EIF3D: variants seen among roughly 807,000 people sequenced by gnomAD.
The protein encoded by EIF3D is eukaryotic translation initiation factor 3 subunit D, also known as eIF3 p66.
A neutral mutation model predicts 75.4 loss-of-function variants in EIF3D; 10 were observed. The observed-to-expected ratio is 0.13, with a 90% CI of 0.08 to 0.22. The LOEUF is 0.22. Ranked by LOEUF, EIF3D falls within the 10% of genes least tolerant of loss-of-function variation. The pLI is 1.00. For missense variants in EIF3D, 394 were observed against 708.0 expected, an observed-to-expected ratio of 0.56 and a Z score of 5.03; for synonymous variants, 246 against 248.3, an observed-to-expected ratio of 0.99 and a Z score of 0.09.
rs1934338372 is a variant in EIF3D, at chr22:36,511,612, G to A, written c.1524C>T (p.Ile508=). The A allele has an allele frequency of 6.2e-7, 1 of 1,614,148 alleles. No homozygotes were observed. The highest frequency in any genetic ancestry group is 1.7e-5 in the Admixed American group (1 of 60,008). Residue 508 remains isoleucine, a synonymous_variant, in exon 14 of 15, where the codon ATC becomes ATT. Coordinates refer to ENST00000216190, the MANE Select transcript of EIF3D (RefSeq NM_003753.4). ...TGACCTGCTTGTTGGGGTCCTTGAG[G>A]ATGAGGTATTTGCCCTCCTCCAGCT... ...CMKLEEGKYL[I]LKDPNKQVIR... is the part of the protein sequence containing the mutation.
At chr22:36,512,812 C>A (rs1248590530) in intron 12 of EIF3D, 4 of 550,468 alleles carry the variant, frequency 7.3e-6, no homozygotes, top group Non-Finnish European at 1.3e-5. Flanking sequence ...CAATTCCTCT[C>A]TTCTAAAAGC....
intron 6 of EIF3D, among the ~76,000 whole-genome samples, chr22:36,522,071 A>C (rs939601780): frequency 2.0e-5 from 3 of 150,716 alleles, no homozygotes; most frequent in Non-Finnish European, 4.4e-5. Flanking sequence ...TTGAAAATAC[A>C]AGCCAGGCGC....
At chr22:36,523,565 C>T (rs751802431) in intron 5 of EIF3D, among the ~76,000 whole-genome samples, 1 of 152,170 alleles carries the variant, frequency 6.6e-6, no homozygotes, top group Non-Finnish European at 1.5e-5. Context: ...CCACACAACA[C>T]CAGGAGGCTC....
chr22:36,527,228 T>G (rs935519639), intron 1 of EIF3D, among the ~76,000 whole-genome samples: 2 of 152,242 alleles, frequency 1.3e-5, no homozygotes, highest in African/African-American at 2.4e-5. Context: ...ACTCATTCAT[T>G]CATACAGTCC....
At chr22:36,521,172 C>G (rs1242095949) in intron 6 of EIF3D, among the ~76,000 whole-genome samples, 5 of 152,084 alleles carry the variant, frequency 3.3e-5, no homozygotes, top group African/African-American at 1.2e-4. Context: ...TGCACTCCAG[C>G]CTGGGTGACA....
At chr22:36,522,512 C>T (rs969762157) in intron 6 of EIF3D, among the ~76,000 whole-genome samples, 1 of 152,152 alleles carries the variant, frequency 6.6e-6, no homozygotes, top group East Asian at 1.9e-4. Context: ...ACACATGCTA[C>T]CACATGGATG....
chr22:36,517,679 G>A (rs148673572), intron 9 of EIF3D, among the ~76,000 whole-genome samples: 3 of 152,242 alleles, frequency 2.0e-5, no homozygotes, highest in East Asian at 1.9e-4. Context: ...CTTTTCAGTC[G>A]TTTTGGATTC....
intron 6 of EIF3D, among the ~76,000 whole-genome samples, chr22:36,522,950 G>A (rs910825223): frequency 3.3e-5 from 5 of 152,092 alleles, no homozygotes; most frequent in Admixed American, 6.6e-5. Context: ...TAAAGAAACC[G>A]CTTTATAACT....
chr22:36,511,350 A>C (rs1229854647), intron 14 of EIF3D, among the ~76,000 whole-genome samples, 153 bp downstream of exon 14: 1 of 152,166 alleles, frequency 6.6e-6, no homozygotes, highest in Non-Finnish European at 1.5e-5. Context: ...GCTCTAGAAG[A>C]AGCTCTTGGA....
chr22:36,527,989 T>C (rs568782049), intron 1 of EIF3D, among the ~76,000 whole-genome samples: 11 of 152,286 alleles, frequency 7.2e-5, no homozygotes, highest in South Asian at 2.1e-4. Context: ...ATAGAAACTA[T>C]AGGAAGAGGA....
chr22:36,517,481 A>G (rs1265774469), intron 9 of EIF3D, 50 bp from the exon 10 acceptor site: 1 of 1,576,214 alleles, frequency 6.3e-7, no homozygotes, highest in Non-Finnish European at 8.6e-7. Flanking sequence ...AGTCACTGAC[A>G]ATGTGCGCAG....
chr22:36,516,757 G>A lies in EIF3D; in HGVS notation c.1024C>T (p.Pro342Ser). The A allele has an allele frequency of 6.2e-7, 1 of 1,614,190 alleles. No individual in the cohort carries two copies. Residue 342 changes from proline to serine, a missense_variant, in exon 11 of 15, where the codon CCG becomes TCG. Transcript: ENST00000216190. ...TTATCCATGTCGTCCTCCACAAACG[G>A]GTTTGGGTTGGGGAAGTTGTATCTT... The part of the protein sequence containing the change: ...KERYNFPNPN[P>S]FVEDDMDKNE...
At chr22:36,512,662 C>T (rs905036155) in intron 12 of EIF3D, 60 bp from the exon 13 acceptor site, 6 of 1,563,448 alleles carry the variant, frequency 3.8e-6, no homozygotes, top group Non-Finnish European at 4.3e-6. Context: ...GGTGCTGGGA[C>T]CTCCTCTGGC....
intron 13 of EIF3D, 133 bp downstream of exon 13, chr22:36,512,327 T>TC: frequency 7.7e-7 from 1 of 1,292,842 alleles, no homozygotes; most frequent in East Asian, 2.4e-5. Flanking sequence ...AACTGACCCC[T>TC]CCATCTCTAC....
In EIF3D at chr22:36,526,046, G is replaced by T. The variant is rs750046602; in HGVS notation, c.76C>A (p.Arg26=). The T allele has an allele frequency of 1.2e-6, 2 of 1,613,610 alleles. No individual in the cohort carries two copies. Among genetic ancestry groups the T allele is most frequent in the South Asian group, 1.1e-5 (1 of 90,970 alleles). The part of the protein sequence containing the change: ...WGPCAVPEQF[R]DMPYQPFSKG... ...CTGAACGGCTGGTAGGGCATATCCC[G>T]AAACTGCTCGGGAACCGCACAGGGA... is the stretch of plus-strand genomic sequence containing the variant. Residue 26 remains arginine, a synonymous_variant, in exon 2 of 15, where the codon CGG becomes AGG. Coordinates refer to ENST00000216190, the MANE Select transcript of EIF3D (RefSeq NM_003753.4).
intron 12 of EIF3D, among the ~76,000 whole-genome samples, chr22:36,513,867 G>A (rs1362680245): frequency 6.6e-6 from 1 of 152,212 alleles, no homozygotes; most frequent in African/African-American, 2.4e-5. Context: ...GCTGGGGCAT[G>A]TTAGAATTCT....
intron 7 of EIF3D, among the ~76,000 whole-genome samples, chr22:36,520,096 A>G (rs895024669): frequency 2.0e-5 from 3 of 152,234 alleles, no homozygotes; most frequent in South Asian, 2.1e-4. Context: ...TTCTTTCCTC[A>G]GGATACCAGG....
chr22:36,516,914 C>T, intron 10 of EIF3D, 124 bp from the exon 11 acceptor site: 2 of 858,786 alleles, frequency 2.3e-6, no homozygotes, highest in South Asian at 2.9e-5. Context: ...CTTGATGGGG[C>T]TCTGAGCTCG....
rs1163738152 is a variant in EIF3D at position 36,523,804 on chromosome 22, G to C, written c.392+91C>G. The C allele has an allele frequency of 3.3e-6, 4 of 1,199,278 alleles. No individual in the cohort carries two copies. In the East Asian group the frequency reaches 9.3e-5, roughly 28 times the overall value. The allele number at this position is 1,199,278 out of a possible 1,614,324, so 74.3% of individuals were successfully genotyped here. On this transcript the variant is annotated intron_variant, in intron 5 of 14. Coordinates refer to ENST00000216190, the MANE Select transcript of EIF3D (RefSeq NM_003753.4). ...TATTTTCCTTTTTTGCAGTGGTGGG[G>C]AATACAACCATCCTCCTGCTTTGGT...
Sources: allele counts gnomAD v4.1 joint callset (sites outside exome capture counted in the v4.1 genomes callset), GRCh38; gene constraint gnomAD v4.1.1; transcripts MANE v1.5; gene names NCBI Gene and HGNC (gene_info 2026-07-23, HGNC 2026-07-21).